Variants in CERS6 observed in about 807,000 individuals in gnomAD.
CERS6 encodes ceramide synthase 6.
In CERS6, 26 loss-of-function variants were observed where a neutral mutation model predicts 56.8. That is an observed-to-expected ratio of 0.46 (90% CI 0.34 to 0.63). CERS6 has a LOEUF of 0.63. CERS6 is among the 30% of genes least tolerant of loss of function. CERS6 has a pLI of 0.01. For missense variants in CERS6, 415 were observed against 467.5 expected (o/e 0.89, Z 1.04); for synonymous variants, 164 against 173.3 (o/e 0.95, Z 0.42).
At chr2:168,761,123 A>G (rs987662225) in intron 8 of CERS6, among the ~76,000 whole-genome samples, 1 of 152,020 alleles carries the variant, frequency 6.6e-6, no homozygotes, top group Non-Finnish European at 1.5e-5. Flanking sequence ...AATTCCTACT[A>G]TATTGTTTTT....
intron 3 of CERS6, among the ~76,000 whole-genome samples, chr2:168,569,541 G>A (rs187235985): frequency 2.6e-4 from 39 of 152,316 alleles, no homozygotes; most frequent in Admixed American, 1.3e-3. Context: ...GCGTGCACAC[G>A]CGTGTGTGCA....
rs371457284 is a variant in CERS6, at chr2:168,456,574, T to C, written c.126T>C (p.Phe42=). The change falls in exon 1 of 10, where the codon TTT becomes TTC. Residue 42 remains phenylalanine (F), a synonymous_variant. Transcript: ENST00000305747. This position sits in a 1 kb window ranked among gnomAD's most constrained non-coding sequence, Gnocchi z 4.1. ...FPQAEDLYLA[F]PLAFCIFMVR... ...AGGCTGAGGACCTCTATCTCGCTTT[T>C]CCCCTGGCCTTCTGTATCTTCATGG... 1.5e-5 allele frequency: 24 copies of C among 1,613,860 alleles called. No homozygotes were observed. Among genetic ancestry groups the C allele is most frequent in the Non-Finnish European group, 2.0e-5 (24 of 1,179,910 alleles).
chr2:168,648,921 T>C (rs1292993924), intron 4 of CERS6, among the ~76,000 whole-genome samples: 1 of 152,160 alleles, frequency 6.6e-6, no homozygotes, highest in African/African-American at 2.4e-5. Flanking sequence ...TATGGCCAAC[T>C]TTAGAGTATG....
At chr2:168,473,545 C>T (rs1045786199) in intron 1 of CERS6, among the ~76,000 whole-genome samples, 5 of 151,926 alleles carry the variant, frequency 3.3e-5, no homozygotes, top group African/African-American at 9.7e-5. Context: ...CAGCAGTAAC[C>T]GTTTGTTAGT....
chr2:168,662,978 G>A (rs2105330399), intron 4 of CERS6, among the ~76,000 whole-genome samples: 1 of 152,294 alleles, frequency 6.6e-6, no homozygotes, highest in Non-Finnish European at 1.5e-5. Context: ...TCTTATCCCA[G>A]TCATAAATGA....
chr2:168,551,714 C>T (rs1695575589), intron 2 of CERS6, among the ~76,000 whole-genome samples: 1 of 152,118 alleles, frequency 6.6e-6, no homozygotes, highest in Non-Finnish European at 1.5e-5. Flanking sequence ...AGTGTTACGT[C>T]ATGTTTCTAT....
intron 4 of CERS6, among the ~76,000 whole-genome samples, chr2:168,689,996 CG>C (rs1356584491): frequency 1.3e-5 from 2 of 152,026 alleles, no homozygotes; most frequent in African/African-American, 4.8e-5. Context: ...TTCACAGACT[CG>C]GGGCCTCCAT....
intron 1 of CERS6, among the ~76,000 whole-genome samples, chr2:168,531,842 G>C (rs1028854046): frequency 1.3e-5 from 2 of 151,186 alleles, no homozygotes; most frequent in Non-Finnish European, 2.9e-5. Flanking sequence ...AAAAAGGTCA[G>C]TGACCACCAC....
Position 168,769,601 on chromosome 2 carries a change from C to T in CERS6, c.1094C>T (p.Thr365Ile). The T allele has an allele frequency of 2.5e-6, 4 of 1,612,682 alleles. No homozygotes were observed. Among genetic ancestry groups the T allele is most frequent in the South Asian group, 1.1e-5 (1 of 90,512 alleles). ...PGKNPHTATTTNGTSGTNGYL... is the reference protein window; with the variant it reads ...PGKNPHTATTINGTSGTNGYL... ...AAGAATCCCCACACTGCGACAACCA[C>T]CAATGGGACCAGTGGTACCAACGGG... Residue 365 changes from threonine to isoleucine, a missense_variant, in exon 10 of 10, where the codon ACC becomes ATC. By Grantham distance (89) the Thr-to-Ile change is moderately conservative (BLOSUM62 -1). Transcript: ENST00000305747.
chr2:168,631,930 G>C (rs1035155853), intron 4 of CERS6, among the ~76,000 whole-genome samples: 2 of 139,706 alleles, frequency 1.4e-5, no homozygotes, highest in Non-Finnish European at 3.1e-5. Context: ...TCTCTCTCTC[G>C]CCTAGTTACT....
chr2:168,728,843 T>TA (rs200907925), intron 8 of CERS6, among the ~76,000 whole-genome samples: 4,384 of 150,972 alleles, frequency 0.029, 90 homozygotes, highest in East Asian at 0.065. Context: ...CCATCTCTAC[T>TA]AAAAATACAA....
At chr2:168,510,430 T>A (rs1392215524) in intron 1 of CERS6, among the ~76,000 whole-genome samples, 4 of 152,210 alleles carry the variant, frequency 2.6e-5, no homozygotes, top group Non-Finnish European at 5.9e-5. Flanking sequence ...TACCATTGTG[T>A]TGTACGGTAA....
At chr2:168,661,268 A>G (rs2105328740) in intron 4 of CERS6, among the ~76,000 whole-genome samples, 1 of 152,314 alleles carries the variant, frequency 6.6e-6, no homozygotes, top group Admixed American at 6.5e-5. Context: ...TCCTAATTAT[A>G]TTTTTAAATG....
At chr2:168,769,052 ATT>A (rs199817924) in intron 9 of CERS6, among the ~76,000 whole-genome samples, 3 of 149,702 alleles carry the variant, frequency 2.0e-5, no homozygotes, top group Non-Finnish European at 4.5e-5. Context: ...CCAAATAGGA[ATT>A]TTTTTTTTTC....
chr2:168,513,357 T>C (rs1161415468), intron 1 of CERS6, among the ~76,000 whole-genome samples: 2 of 152,224 alleles, frequency 1.3e-5, no homozygotes, highest in Non-Finnish European at 2.9e-5. Context: ...CCAGATGTCT[T>C]TTTTTCTGTT....
At chr2:168,476,610 T>A (rs1166873707) in intron 1 of CERS6, among the ~76,000 whole-genome samples, 1 of 152,112 alleles carries the variant, frequency 6.6e-6, no homozygotes. Flanking sequence ...GCAGCATCAG[T>A]ACCTTGGCTC....
intron 8 of CERS6, among the ~76,000 whole-genome samples, chr2:168,728,320 A>C (rs1683409110): frequency 6.7e-6 from 1 of 150,188 alleles, no homozygotes; most frequent in African/African-American, 2.5e-5. Flanking sequence ...AGTACTGAAT[A>C]CATTCAGACT....
At chr2:168,525,492 A>G (rs761541084) in intron 1 of CERS6, among the ~76,000 whole-genome samples, 49 of 152,260 alleles carry the variant, frequency 3.2e-4, no homozygotes, top group African/African-American at 2.4e-4. Context: ...CATTTTTAAT[A>G]TATCTACCAG....
At chr2:168,754,403 A>G (rs1243020364) in intron 8 of CERS6, among the ~76,000 whole-genome samples, 1 of 152,208 alleles carries the variant, frequency 6.6e-6, no homozygotes, top group African/African-American at 2.4e-5. Flanking sequence ...AGATGAACCT[A>G]TTAGTTAATA....
Sources: gnomAD v4.1 joint callset for allele counts (sites outside exome capture counted in the v4.1 genomes callset) on GRCh38, gnomAD v4.1.1 for gene constraint, Gnocchi (gnomAD v3.1) non-coding constraint, MANE v1.5 for transcripts, NCBI Gene and HGNC (gene_info 2026-07-23, HGNC 2026-07-21) for gene names.